The following KLHDC4 variants were observed in gnomAD, a reference collection of about 807,000 sequenced individuals.
KLHDC4 encodes kelch domain containing 4.
KLHDC4 carries 90 observed loss-of-function variants against 62.4 expected under a neutral mutation model. That is an observed-to-expected ratio of 1.44 (90% CI 1.22 to 1.72). KLHDC4 has a LOEUF of 1.72. Ranked by LOEUF, KLHDC4 falls within the 40% of genes most tolerant of loss-of-function variation. The pLI is 0.00. For missense variants in KLHDC4, 1,025 were observed against 699.7 expected (o/e 1.47, Z -5.25); for synonymous variants, 386 against 284.4 (o/e 1.36, Z -3.59).
chr16:87,734,313 C>T (rs563068910), intron 5 of KLHDC4, among the ~76,000 whole-genome samples: 21 of 152,114 alleles, frequency 1.4e-4, no homozygotes, highest in African/African-American at 4.6e-4. Flanking sequence ...CACTGCACTC[C>T]AGTCTGGGCG....
At position 87,765,963 on chromosome 16, in the gene KLHDC4, C is replaced by G; in HGVS notation, c.-73G>C. 2 of 1,431,622 alleles carry G rather than the reference C, an allele frequency of 1.4e-6. No individual in the cohort carries two copies. Among genetic ancestry groups the G allele is most frequent in the Admixed American group, 2.0e-5 (1 of 50,164 alleles). 88.7% of individuals were successfully genotyped at this position (1,431,622 alleles called of 1,614,324 possible). On this transcript the variant is annotated 5_prime_UTR_variant, in exon 1 of 12. Coordinates refer to ENST00000270583, the MANE Select transcript of KLHDC4 (RefSeq NM_017566.4). The stretch of plus-strand genomic sequence containing the variant: ...CGCGCTCTCCGCTCGGAAACAGGTG[C>G]TCGTGGGGCGGAGCTCGGCGCACAG...
At position 87,730,571 on chromosome 16, in the gene KLHDC4, C is replaced by G; in HGVS notation, c.580G>C (p.Gly194Arg). 1 of 1,612,862 alleles carries G rather than the reference C, an allele frequency of 6.2e-7. No homozygotes were observed. The highest frequency in any genetic ancestry group is 8.5e-7 in the Non-Finnish European group (1 of 1,179,734). Residue 194 changes from glycine to arginine, a missense_variant, in exon 6 of 12, where the codon GGC (glycine) becomes CGC (arginine). Transcript: ENST00000270583. ...ACCAACCGTGTACTTTCATGGAAGC[C>G]ACCAAACAGGATCAATTGTCTCTTC... is the stretch of plus-strand genomic sequence containing the variant. ...AWKRQLILFG[G>R]FHESTRDYIY...
At chr16:87,761,625 G>T (rs955687400) in intron 2 of KLHDC4, among the ~76,000 whole-genome samples, 10 of 152,274 alleles carry the variant, frequency 6.6e-5, no homozygotes, top group Non-Finnish European at 1.3e-4. Flanking sequence ...CCTACAGTAC[G>T]CACTTTTAAA....
chr16:87,748,710 C>A lies in KLHDC4; in HGVS notation c.469G>T (p.Val157Phe). 1 of 1,613,624 alleles carries A rather than the reference C, an allele frequency of 6.2e-7. No individual in the cohort carries two copies. Among genetic ancestry groups the A allele is most frequent in the Non-Finnish European group, 8.5e-7 (1 of 1,179,944 alleles). Reference sequence around the variant, plus strand: ...CAGGTCTTGGTGGCCAAATGCAGGACCCAGAGATCCTTGTAGTGGTAGAAC... The same window carrying A: ...CAGGTCTTGGTGGCCAAATGCAGGAACCAGAGATCCTTGTAGTGGTAGAAC... Reference protein sequence around the residue: ...EQFYHYKDLWVLHLATKTWEQ... With the variant: ...EQFYHYKDLWFLHLATKTWEQ... The change falls in exon 5 of 12, where the codon GTC becomes TTC. Residue 157 changes from valine (V) to phenylalanine (F), a missense_variant. By Grantham distance (50) the Val-to-Phe change is conservative. Coordinates refer to ENST00000270583, the MANE Select transcript of KLHDC4 (RefSeq NM_017566.4).
rs757614654 is a variant in KLHDC4, at chr16:87,756,476, A to T, written c.193T>A (p.Leu65Ile). Residue 65 changes from leucine to isoleucine, a missense_variant and splice_region_variant, in exon 3 of 12, where the codon TTA (leucine) becomes ATA (isoleucine). Leu to Ile is a conservative substitution (Grantham distance 5). Coordinates refer to ENST00000270583, the MANE Select transcript of KLHDC4 (RefSeq NM_017566.4). ...GGATGAACCGAGAGGGAGGCATTTA[A>T]CCTACAAGACACACAAGCGGCAGGT... ...ELPCPPPSPRLNASLSVHPEK... is the reference protein window; with the variant it reads ...ELPCPPPSPRINASLSVHPEK... 2.5e-6 allele frequency: 4 copies of T among 1,613,052 alleles called. No homozygotes were observed. The highest frequency in any genetic ancestry group is 3.4e-6 in the Non-Finnish European group (4 of 1,179,222).
intron 7 of KLHDC4, among the ~76,000 whole-genome samples, chr16:87,718,168 A>C (rs531104148): frequency 1.3e-5 from 2 of 152,352 alleles, no homozygotes; most frequent in Non-Finnish European, 2.9e-5. Flanking sequence ...AGAAAGTAAC[A>C]GACAACGGCC....
At chr16:87,764,986 C>A in intron 1 of KLHDC4, 1 of 380,530 alleles carries the variant, frequency 2.6e-6, no homozygotes. Context: ...GACATCTGGT[C>A]ACATCCCAGT....
chr16:87,730,126 G>T (rs1407173285), intron 6 of KLHDC4, among the ~76,000 whole-genome samples: 1 of 152,056 alleles, frequency 6.6e-6, no homozygotes, highest in Non-Finnish European at 1.5e-5. Flanking sequence ...GCCAATTTTT[G>T]TATTTTTAGT....
At chr16:87,757,608 G>T (rs1287942287) in intron 2 of KLHDC4, 2 of 151,962 alleles carry the variant, frequency 1.3e-5, no homozygotes, top group African/African-American at 4.8e-5. Flanking sequence ...TAATATTATG[G>T]GCCAGGCCCG....
chr16:87,765,979 CG>C lies in KLHDC4; in HGVS notation c.-90del, dbSNP rs2143566579. 1.5e-6 allele frequency: 2 copies of C among 1,331,840 alleles called. No homozygotes were observed. Among genetic ancestry groups the C allele is most frequent in the South Asian group, 2.5e-5 (2 of 78,506 alleles). 82.5% of individuals were successfully genotyped at this position (1,331,840 alleles called of 1,614,324 possible). On this transcript the variant is annotated 5_prime_UTR_variant, in exon 1 of 12. Transcript: ENST00000270583. ...AAACAGGTGCTCGTGGGGCGGAGCT[CG>C]GCGCACAGAAATGGAGTCACTTCCG... is the stretch of plus-strand genomic sequence containing the variant.
At chr16:87,762,199 A>C (rs1230355615) in intron 1 of KLHDC4, 159 bp from the exon 2 acceptor site, 1 of 1,414,210 alleles carries the variant, frequency 7.1e-7, no homozygotes, top group Non-Finnish European at 9.3e-7. Context: ...AGTTTGACAC[A>C]TTCGAAAGTA....
intron 5 of KLHDC4, among the ~76,000 whole-genome samples, chr16:87,743,768 T>C (rs1301084595): frequency 1.3e-5 from 2 of 151,824 alleles, no homozygotes; most frequent in Non-Finnish European, 2.9e-5. Flanking sequence ...AGTAAATAAA[T>C]AAATAAATAA....
intron 5 of KLHDC4, among the ~76,000 whole-genome samples, chr16:87,741,708 G>A (rs377095630): frequency 6.6e-6 from 1 of 152,134 alleles, no homozygotes; most frequent in Non-Finnish European, 1.5e-5. Context: ...CAGATAACAG[G>A]AGGGACTCTA....
chr16:87,712,953 C>T (rs1309779747), intron 8 of KLHDC4, among the ~76,000 whole-genome samples: 1 of 152,206 alleles, frequency 6.6e-6, no homozygotes. Flanking sequence ...CGCTAAACTC[C>T]ACGGCAAACA....
At chr16:87,699,137 G>C (rs55707244) in exon 1 of KLHDC4, 9,830 of 152,402 alleles carry the variant, frequency 0.065, 464 homozygotes, top group Non-Finnish European at 0.093. Flanking sequence ...AGCTGGAGAA[G>C]ACCCTCTGCC....
downstream of KLHDC4, chr16:87,707,760 C>G (rs111933490): frequency 1.2e-5 from 4 of 325,280 alleles, no homozygotes; most frequent in Non-Finnish European, 1.8e-5. Flanking sequence ...GCAGAGGCCC[C>G]GGGAAGACTG....
At position 87,709,274 on chromosome 16, in the gene KLHDC4, T is replaced by A; in HGVS notation, c.1438A>T (p.Met480Leu). 6.2e-7 allele frequency: 1 copy of A among 1,608,032 alleles called. No individual in the cohort carries two copies. The highest frequency in any genetic ancestry group is 8.5e-7 in the Non-Finnish European group (1 of 1,176,878). ...AAGCTGCCTGGCTCACCTGGGTCCA[T>A]CTCCACCAAGGCCTTCCACGCCTCC... The part of the protein sequence containing the change: ...RMEAWKALVE[M>L]DPETQEWLEE... Residue 480 changes from methionine (M) to leucine (L), a missense_variant, in exon 10 of 12, where the codon ATG (methionine) becomes TTG (leucine). By Grantham distance (15) the Met-to-Leu change is conservative. Coordinates refer to ENST00000270583, the MANE Select transcript of KLHDC4 (RefSeq NM_017566.4).
chr16:87,720,052 T>A (rs2037947304), intron 7 of KLHDC4, among the ~76,000 whole-genome samples: 1 of 152,138 alleles, frequency 6.6e-6, no homozygotes, highest in South Asian at 2.1e-4. Context: ...CTGCAGTGAG[T>A]CCTCAATGCA....
downstream of KLHDC4, among the ~76,000 whole-genome samples, chr16:87,704,538 G>A (rs905866169): frequency 7.9e-6 from 1 of 127,192 alleles, no homozygotes; most frequent in African/African-American, 3.0e-5. Flanking sequence ...CCCTGGGGAG[G>A]GGTCCTGAAC....
Sources: gnomAD v4.1 joint callset for allele counts (sites outside exome capture counted in the v4.1 genomes callset) on GRCh38, gnomAD v4.1.1 for gene constraint, MANE v1.5 for transcripts, NCBI Gene and HGNC (gene_info 2026-07-23, HGNC 2026-07-21) for gene names.